RASAL2: variants seen among roughly 807,000 people sequenced by gnomAD.
RASAL2 encodes ras GTPase-activating protein nGAP.
Under a neutral mutation model 128.9 loss-of-function variants are expected in RASAL2, and 58 were observed. The ratio of observed to expected loss-of-function variants is 0.45; its 90% CI spans 0.36 to 0.56. The LOEUF is 0.56. RASAL2 is among the 20% of genes least tolerant of loss of function. RASAL2 has a pLI of 0.00. For missense variants in RASAL2, 1,360 were observed against 1,601.6 expected (o/e 0.85, Z 2.57); for synonymous variants, 561 against 580.8 (o/e 0.97, Z 0.49).
At position 178,317,826 on chromosome 1, in the gene RASAL2, C is replaced by T. The variant is rs1320393009; in HGVS notation, c.457+17708C>T. The stretch of plus-strand genomic sequence containing the variant: ...GCTCTGATTTTAGTTATTTCTTGCC[C>T]TCTGCTAGCTTTTGAATGTGTTTGC... On this transcript the variant is annotated intron_variant, in intron 3 of 17. Transcript: ENST00000367649. Among the ~76,000 whole-genome samples the T allele has an allele frequency of 3.5e-3, 532 of 150,910 alleles. 6 individuals carry two copies. Among genetic ancestry groups the T allele is most frequent in the African/African-American group, 0.012 (487 of 40,616 alleles).
At chr1:178,408,602 G>GTTT (rs59524376) in intron 4 of RASAL2, among the ~76,000 whole-genome samples, 3 of 141,630 alleles carry the variant, frequency 2.1e-5, no homozygotes, top group African/African-American at 8.6e-5. Flanking sequence ...TGTTTGGTTG[G>GTTT]TTTTTTTTTG....
intron 1 of RASAL2, among the ~76,000 whole-genome samples, chr1:178,111,886 T>C (rs1412133375): frequency 1.3e-5 from 2 of 152,084 alleles, no homozygotes; most frequent in Non-Finnish European, 2.9e-5. Context: ...CCTGCCATCA[T>C]GCCTGGCTAA....
intron 12 of RASAL2, among the ~76,000 whole-genome samples, chr1:178,454,971 A>C (rs567040575): frequency 1.2e-4 from 18 of 152,244 alleles, no homozygotes; most frequent in African/African-American, 4.3e-4. Flanking sequence ...TGCATGTCTA[A>C]TAGGATAAGA....
At chr1:178,466,144 G>T in intron 16 of RASAL2, 22 bp downstream of exon 16, 1 of 1,527,232 alleles carries the variant, frequency 6.5e-7, no homozygotes, top group Non-Finnish European at 8.8e-7. Flanking sequence ...CCTGGCAGCA[G>T]ATGTGGGCTA....
At chr1:178,149,874 A>G (rs1356829363) in intron 1 of RASAL2, among the ~76,000 whole-genome samples, 2 of 152,178 alleles carry the variant, frequency 1.3e-5, no homozygotes, top group African/African-American at 4.8e-5. Flanking sequence ...TTCATTAACT[A>G]ACGGAAACAA....
chr1:178,167,548 C>T (rs770050323), intron 1 of RASAL2, among the ~76,000 whole-genome samples: 6 of 152,042 alleles, frequency 3.9e-5, no homozygotes, highest in Admixed American at 6.6e-5. Flanking sequence ...GTCTATAATA[C>T]TCCCTGCCTT....
At chr1:178,166,596 A>G (rs901499392) in intron 1 of RASAL2, among the ~76,000 whole-genome samples, 4 of 152,160 alleles carry the variant, frequency 2.6e-5, no homozygotes, top group Admixed American at 6.5e-5. Context: ...TCAAAATACA[A>G]TCTTCTAATA....
At chr1:178,329,969 G>T (rs1378515624) in intron 3 of RASAL2, among the ~76,000 whole-genome samples, 2 of 152,146 alleles carry the variant, frequency 1.3e-5, no homozygotes, top group South Asian at 2.1e-4. Flanking sequence ...GTAAAAGGAT[G>T]GAAGGCTCTG....
At position 178,341,626 on chromosome 1, in the gene RASAL2, C is replaced by CT. The variant is rs765865891; in HGVS notation, c.457+41509dup. On this transcript the variant is annotated intron_variant, in intron 3 of 17. Coordinates refer to ENST00000367649, the MANE Select transcript of RASAL2 (RefSeq NM_170692.4). ...GACCCCAGGTAAGAGTTTGTAGAGT[C>CT]TGAGACCGAAATGAAAAGTCACGTA... The CT allele has an allele frequency of 3.7e-6, 6 of 1,613,708 alleles. No homozygotes were observed. In the African/African-American group the frequency reaches 8.0e-5, roughly 22 times the overall value.
chr1:178,255,331 T>C (rs573243715), intron 1 of RASAL2, among the ~76,000 whole-genome samples: 1 of 152,262 alleles, frequency 6.6e-6, no homozygotes, highest in South Asian at 2.1e-4. Context: ...TTCTCCTTTC[T>C]TTTTCTAATT....
At chr1:178,255,325 C>G (rs1405456186) in intron 1 of RASAL2, among the ~76,000 whole-genome samples, 3 of 151,922 alleles carry the variant, frequency 2.0e-5, no homozygotes. Flanking sequence ...CTTATTTTCT[C>G]CTTTCTTTTT....
intron 1 of RASAL2, among the ~76,000 whole-genome samples, chr1:178,221,409 A>T: frequency 6.6e-6 from 1 of 152,118 alleles, no homozygotes; most frequent in East Asian, 1.9e-4. Flanking sequence ...AATGTTATAG[A>T]CTTCCCTATA....
chr1:178,175,471 T>A (rs866812550), intron 1 of RASAL2, among the ~76,000 whole-genome samples: 2 of 151,674 alleles, frequency 1.3e-5, no homozygotes, highest in African/African-American at 2.4e-5. Flanking sequence ...TGTGTGTGTG[T>A]GATAACTATG....
intron 3 of RASAL2, among the ~76,000 whole-genome samples, chr1:178,343,831 CTAAAGA>C (rs1331413133): frequency 6.6e-6 from 1 of 150,608 alleles, no homozygotes; most frequent in Non-Finnish European, 1.5e-5. Flanking sequence ...CACTTTGTGG[CTAAAGA>C]TAAATTTTAT....
At chr1:178,413,356 G>T (rs531972758) in intron 4 of RASAL2, among the ~76,000 whole-genome samples, 20 of 152,268 alleles carry the variant, frequency 1.3e-4, no homozygotes, top group Non-Finnish European at 2.6e-4. Context: ...GCACTCTCTA[G>T]CCATCCCCTT....
At chr1:178,130,779 A>G (rs1338072987) in intron 1 of RASAL2, among the ~76,000 whole-genome samples, 5 of 152,200 alleles carry the variant, frequency 3.3e-5, no homozygotes, top group Non-Finnish European at 5.9e-5. Flanking sequence ...TTCACTTAAA[A>G]AATAACATTT....
chr1:178,158,348 C>A (rs901548018), intron 1 of RASAL2, among the ~76,000 whole-genome samples: 1 of 152,134 alleles, frequency 6.6e-6, no homozygotes, highest in African/African-American at 2.4e-5. Context: ...GTCTTATTTA[C>A]CTAATTTGTA....
At chr1:178,327,916 T>C (rs1669114268) in intron 3 of RASAL2, among the ~76,000 whole-genome samples, 1 of 151,884 alleles carries the variant, frequency 6.6e-6, no homozygotes, top group Non-Finnish European at 1.5e-5. Flanking sequence ...ACAGAGACAA[T>C]GATTGGAGTA....
chr1:178,320,513 CG>C (rs1191074579), intron 3 of RASAL2, among the ~76,000 whole-genome samples: 2 of 152,170 alleles, frequency 1.3e-5, no homozygotes, highest in Non-Finnish European at 2.9e-5. Context: ...TTTTTTAAGC[CG>C]GTCTGAAAAG....
Sources: allele counts gnomAD v4.1 joint callset (sites outside exome capture counted in the v4.1 genomes callset), GRCh38; gene constraint gnomAD v4.1.1; transcripts MANE v1.5; gene names NCBI Gene and HGNC (gene_info 2026-07-23, HGNC 2026-07-21).